The following SLX9 variants were observed in gnomAD, a reference collection of about 807,000 sequenced individuals.
SLX9 encodes the protein SLX9 ribosome biogenesis factor, also known as ribosome biogenesis protein SLX9 homolog.
SLX9 carries 19 observed loss-of-function variants against 20.8 expected under a neutral mutation model. The observed-to-expected ratio is 0.91, with a 90% CI of 0.64 to 1.34. The LOEUF is 1.34. SLX9 is among the 40% of genes most tolerant of loss of function. The probability of loss-of-function intolerance (pLI) is 0.00; values close to 1 mark genes in which losing one functional copy is unlikely to be tolerated. For missense variants in SLX9, 299 were observed against 322.2 expected, an observed-to-expected ratio of 0.93 and a Z score of 0.55; for synonymous variants, 113 against 137.1, an observed-to-expected ratio of 0.82 and a Z score of 1.23.
chr21:44,973,514 G>A (rs2085201285), intron 5 of SLX9, among the ~76,000 whole-genome samples: 1 of 70,542 alleles, frequency 1.4e-5, no homozygotes, highest in Non-Finnish European at 2.9e-5. Context: ...CAGGGATTCA[G>A]CTCCTGAGTG....
chr21:44,975,453 T>C (rs2085244237), intron 5 of SLX9, among the ~76,000 whole-genome samples: 1 of 152,186 alleles, frequency 6.6e-6, no homozygotes, highest in Non-Finnish European at 1.5e-5. Context: ...TGTCCCATAG[T>C]GTCTAAACTC....
intron 1 of SLX9, among the ~76,000 whole-genome samples, chr21:44,940,802 A>G (rs1188315619): frequency 1.3e-5 from 2 of 152,042 alleles, no homozygotes; most frequent in African/African-American, 2.4e-5. Flanking sequence ...TACATTGGCA[A>G]GTCTTCAGCC....
intron 3 of SLX9, among the ~76,000 whole-genome samples, chr21:44,965,697 G>C (rs1355618457): frequency 6.6e-6 from 1 of 152,110 alleles, no homozygotes; most frequent in Admixed American, 6.5e-5. Flanking sequence ...CACCCTGCTT[G>C]GGCACAAGGT....
At chr21:44,967,664 CCT>C (rs946097182) in intron 4 of SLX9, among the ~76,000 whole-genome samples, 1 of 152,200 alleles carries the variant, frequency 6.6e-6, no homozygotes, top group Non-Finnish European at 1.5e-5. Flanking sequence ...CACTGCACAC[CCT>C]GTCCTGCCCC....
intron 1 of SLX9, among the ~76,000 whole-genome samples, chr21:44,941,071 C>T (rs928934384): frequency 6.6e-6 from 1 of 152,072 alleles, no homozygotes; most frequent in African/African-American, 2.4e-5. Flanking sequence ...TACTTTCTTT[C>T]TCTTCTCCTG....
At chr21:44,969,102 C>A (rs12106383) in intron 4 of SLX9, 213,098 of 449,096 alleles carry the variant, frequency 0.47, 55,439 homozygotes, top group South Asian at 0.64. Context: ...AACTTTCCAT[C>A]TGGGCAGAAA....
intron 2 of SLX9, among the ~76,000 whole-genome samples, chr21:44,944,876 T>C (rs1447432009): frequency 1.3e-5 from 2 of 152,248 alleles, no homozygotes; most frequent in Non-Finnish European, 2.9e-5. Context: ...GCTTTGCATC[T>C]GTCAAAGGAG....
chr21:44,963,499 CATGAAG>C (rs1165639398), intron 3 of SLX9, among the ~76,000 whole-genome samples: 1 of 151,466 alleles, frequency 6.6e-6, no homozygotes, highest in Non-Finnish European at 1.5e-5. Context: ...AATCCCAAGT[CATGAAG>C]ATATTATTCC....
Position 44,942,108 on chromosome 21 carries a change from A to G in SLX9, c.130-1576A>G, listed in dbSNP as rs189490128. 2.3e-3 allele frequency among the ~76,000 whole-genome samples: 344 copies of G among 152,314 alleles called. 1 individual carries two copies. Among genetic ancestry groups the G allele is most frequent in the Non-Finnish European group, 3.9e-3 (266 of 68,024 alleles). On this transcript the variant is annotated intron_variant, in intron 1 of 5. Coordinates refer to ENST00000291634, the MANE Select transcript of SLX9 (RefSeq NM_058190.4). ...AGCATTTTTTTATTAAGCTCCAAAA[A>G]TATGCATTAATGAGATATAAAGTGC...
chr21:44,954,218 T>A (rs1045103080), intron 2 of SLX9, among the ~76,000 whole-genome samples: 28 of 152,152 alleles, frequency 1.8e-4, no homozygotes, highest in Non-Finnish European at 1.5e-5. Context: ...CGTTTCTTGT[T>A]TGTATCAGCT....
At chr21:44,954,309 C>T (rs935611141) in intron 2 of SLX9, among the ~76,000 whole-genome samples, 2 of 152,126 alleles carry the variant, frequency 1.3e-5, no homozygotes, top group Non-Finnish European at 2.9e-5. Context: ...AGGGGCCGAG[C>T]GTTGTGTGGG....
chr21:44,970,329 G>C (rs1214253979), intron 4 of SLX9, among the ~76,000 whole-genome samples: 1 of 151,876 alleles, frequency 6.6e-6, no homozygotes, highest in African/African-American at 2.4e-5. Context: ...TTTTGGTGCC[G>C]AAACTGTTCC....
At chr21:44,967,774 C>T (rs760268303) in intron 4 of SLX9, among the ~76,000 whole-genome samples, 19 of 152,210 alleles carry the variant, frequency 1.2e-4, no homozygotes, top group Non-Finnish European at 2.1e-4. Flanking sequence ...CCCTGGGACA[C>T]ACATCCCAGA....
chr21:44,964,685 C>CA (rs1355516115), intron 3 of SLX9, among the ~76,000 whole-genome samples: 1 of 152,260 alleles, frequency 6.6e-6, no homozygotes, highest in Non-Finnish European at 1.5e-5. Flanking sequence ...AGTTGTCCTC[C>CA]AAGGCGGCTG....
chr21:44,953,540 A>G (rs1420642971), intron 2 of SLX9, among the ~76,000 whole-genome samples: 1 of 151,040 alleles, frequency 6.6e-6, no homozygotes, highest in African/African-American at 2.5e-5. Context: ...CCTGTCCTGC[A>G]CCATCCCCGG....
chr21:44,942,072 A>G (rs1263395575), intron 1 of SLX9, among the ~76,000 whole-genome samples: 1 of 152,226 alleles, frequency 6.6e-6, no homozygotes, highest in African/African-American at 2.4e-5. Context: ...TGGCTCATTG[A>G]AACCTGTGCC....
In SLX9 at chr21:44,956,149, G is replaced by A. The variant is rs78154701; in HGVS notation, c.284-3951G>A. ...CTGTTGATTGGTTTGAAAAAGCTAT[G>A]TAGGAAGGAAGCAATCTCTTGTTAA... On this transcript the variant is annotated intron_variant, in intron 2 of 5. Coordinates refer to ENST00000291634, the MANE Select transcript of SLX9 (RefSeq NM_058190.4). 2.6e-5 allele frequency among the ~76,000 whole-genome samples: 4 copies of A among 152,332 alleles called. No individual in the cohort carries two copies. In the East Asian group the frequency reaches 7.7e-4, roughly 29 times the overall value.
At chr21:44,964,393 C>G (rs2084997350) in intron 3 of SLX9, among the ~76,000 whole-genome samples, 1 of 152,146 alleles carries the variant, frequency 6.6e-6, no homozygotes, top group Non-Finnish European at 1.5e-5. Flanking sequence ...CTGCACGCGC[C>G]ACCCCACCTT....
chr21:44,969,807 T>C (rs747685168), intron 4 of SLX9, among the ~76,000 whole-genome samples: 40 of 152,240 alleles, frequency 2.6e-4, no homozygotes, highest in Admixed American at 5.2e-4. Flanking sequence ...TAACGGACTC[T>C]TTCTGCCTCA....
Sources: allele counts gnomAD v4.1 joint callset (sites outside exome capture counted in the v4.1 genomes callset), GRCh38; gene constraint gnomAD v4.1.1; transcripts MANE v1.5; gene names NCBI Gene and HGNC (gene_info 2026-07-23, HGNC 2026-07-21).